Variants in ZPBP observed in about 807,000 individuals in gnomAD.
ZPBP encodes the protein zona pellucida-binding protein 1.
Under a neutral mutation model 44.8 loss-of-function variants are expected in ZPBP, and 26 were observed. The ratio of observed to expected loss-of-function variants is 0.58; its 90% CI spans 0.43 to 0.81. ZPBP has a LOEUF of 0.81. Among genes scored for constraint, ZPBP ranks in the 30% least tolerant of loss-of-function variants. The probability of loss-of-function intolerance (pLI) is 0.00; values close to 1 mark genes in which losing one functional copy is unlikely to be tolerated. For synonymous variants in ZPBP, 174 were observed against 153.2 expected (o/e 1.14, Z -1.00); for missense variants, 409 against 434.0 (o/e 0.94, Z 0.51).
intron 6 of ZPBP, among the ~76,000 whole-genome samples, chr7:50,002,079 T>TAATG (rs146899888): frequency 2.0e-3 from 303 of 152,228 alleles, no homozygotes; most frequent in African/African-American, 7.0e-3. Context: ...ACACTGCTAA[T>TAATG]AATGACATGC....
At chr7:50,075,236 C>T (rs916832432) in intron 3 of ZPBP, among the ~76,000 whole-genome samples, 2 of 151,498 alleles carry the variant, frequency 1.3e-5, no homozygotes, top group Admixed American at 6.6e-5. Context: ...TTAATGGAAA[C>T]ACAACATACC....
chr7:49,855,139 G>T (rs527829643), intron 2 of ZPBP, among the ~76,000 whole-genome samples: 1 of 152,282 alleles, frequency 6.6e-6, no homozygotes, highest in South Asian at 2.1e-4. Context: ...TGAAAGGCCT[G>T]CTCACATTAG....
intron 2 of ZPBP, among the ~76,000 whole-genome samples, chr7:49,858,972 G>C (rs1167908788): frequency 2.6e-5 from 4 of 152,174 alleles, no homozygotes; most frequent in African/African-American, 9.7e-5. Flanking sequence ...GAATATGTCA[G>C]GATATATTCA....
intron 4 of ZPBP, among the ~76,000 whole-genome samples, chr7:50,045,329 G>A (rs1342150980): frequency 6.6e-6 from 1 of 152,118 alleles, no homozygotes; most frequent in Non-Finnish European, 1.5e-5. Flanking sequence ...AACATAAAGG[G>A]TATTCAAATA....
chr7:49,852,701 C>G (rs1193456768), intron 2 of ZPBP, among the ~76,000 whole-genome samples: 1 of 152,134 alleles, frequency 6.6e-6, no homozygotes, highest in African/African-American at 2.4e-5. Flanking sequence ...GGGGACGGGC[C>G]TTGCTCCTAC....
chr7:49,990,082 C>T (rs1797494651), intron 6 of ZPBP, among the ~76,000 whole-genome samples: 2 of 152,212 alleles, frequency 1.3e-5, no homozygotes, highest in South Asian at 4.1e-4. Context: ...CAGGTCAAAG[C>T]CCTAGGAAAG....
chr7:49,941,763 T>G (rs1014248723), intron 7 of ZPBP, among the ~76,000 whole-genome samples: 2 of 152,110 alleles, frequency 1.3e-5, no homozygotes, highest in African/African-American at 2.4e-5. Context: ...CATTTTTTTT[T>G]GTGAAAAACA....
intron 6 of ZPBP, 73 bp from the exon 7 acceptor site, chr7:49,983,592 T>A: frequency 1.0e-6 from 1 of 952,590 alleles, no homozygotes; most frequent in Non-Finnish European, 1.6e-6. Context: ...AGGATGCATG[T>A]GGATTTAGAA....
chr7:50,074,267 C>T lies in ZPBP; in HGVS notation c.334+7507G>A, dbSNP rs566653018. On this transcript the variant is annotated intron_variant, in intron 3 of 7. Transcript: ENST00000046087. ...TGCAAGCCTCATGGTAACCTAAAAC[C>T]GAAAAGCATACAATGGATACACAAA... Among the ~76,000 whole-genome samples the T allele has an allele frequency of 9.2e-5, 14 of 151,524 alleles. No homozygotes were observed. The East Asian group carries it at 2.3e-3, about 25-fold the overall frequency.
chr7:49,925,697 C>A (rs778630519), intron 1 of ZPBP, among the ~76,000 whole-genome samples: 1 of 152,234 alleles, frequency 6.6e-6, no homozygotes, highest in Non-Finnish European at 1.5e-5. Context: ...CAGGCCTCTG[C>A]CTCAGACCTC....
intron 3 of ZPBP, among the ~76,000 whole-genome samples, chr7:50,069,076 G>A (rs547077402): frequency 9.9e-5 from 15 of 152,254 alleles, no homozygotes; most frequent in African/African-American, 2.2e-4. Flanking sequence ...GATCTGAGAC[G>A]GCCTGCCTGA....
At chr7:49,912,769 C>T (rs1793525834) in intron 1 of ZPBP, 1 of 152,372 alleles carries the variant, frequency 6.6e-6, no homozygotes, top group Non-Finnish European at 1.5e-5. Flanking sequence ...TGGCTTTTAT[C>T]TGCTTCATTC....
At chr7:50,057,811 C>G (rs2128830216) in intron 4 of ZPBP, among the ~76,000 whole-genome samples, 178 bp downstream of exon 4, 1 of 152,254 alleles carries the variant, frequency 6.6e-6, no homozygotes, top group South Asian at 2.1e-4. Context: ...GATCTGTTAA[C>G]CATTCTGTGC....
intron 2 of ZPBP, among the ~76,000 whole-genome samples, chr7:49,894,978 T>G (rs903757135): frequency 2.0e-5 from 3 of 151,964 alleles, no homozygotes; most frequent in Non-Finnish European, 4.4e-5. Flanking sequence ...CAGTCAAGAG[T>G]GAGTTTTTGT....
At chr7:49,988,499 T>C (rs376744887) in intron 6 of ZPBP, among the ~76,000 whole-genome samples, 11 of 152,334 alleles carry the variant, frequency 7.2e-5, no homozygotes, top group Admixed American at 2.6e-4. Flanking sequence ...CAAAATTGTA[T>C]GGGATTTCTA....
At position 49,905,548 on chromosome 7, in the gene ZPBP, G is replaced by T. The variant is rs1009155088; in HGVS notation, n.412-4333C>A. ...ACCTTGATTTCTATCATTTAAAAAAGAGTTTTATTTATTTGTGTGCATTGT... is the reference window on the plus strand; with the variant it reads ...ACCTTGATTTCTATCATTTAAAAAATAGTTTTATTTATTTGTGTGCATTGT... On this transcript the variant is annotated intron_variant and non_coding_transcript_variant, in intron 1 of 2. Transcript: ENST00000465922. Among the ~76,000 whole-genome samples the T allele has an allele frequency of 2.0e-5, 3 of 152,114 alleles. No homozygotes were observed. In the East Asian group the frequency reaches 5.8e-4, roughly 29 times the overall value.
chr7:49,913,972 A>G (rs1793592497), intron 1 of ZPBP: 1 of 152,210 alleles, frequency 6.6e-6, no homozygotes, highest in Non-Finnish European at 1.5e-5. Flanking sequence ...CTACCAGTAC[A>G]TAGATTTCAT....
At chr7:50,088,916 G>C (rs1244476026) in intron 2 of ZPBP, among the ~76,000 whole-genome samples, 3 of 150,140 alleles carry the variant, frequency 2.0e-5, no homozygotes, top group Non-Finnish European at 3.0e-5. Flanking sequence ...CCCTAAAAAG[G>C]AATGAAGTAT....
intron 6 of ZPBP, among the ~76,000 whole-genome samples, chr7:49,995,275 G>A (rs1044069845): frequency 1.3e-5 from 2 of 152,226 alleles, no homozygotes; most frequent in African/African-American, 4.8e-5. Context: ...GAGCTGGGGA[G>A]TTGATATTCT....
Sources: gnomAD v4.1 joint callset for allele counts (sites outside exome capture counted in the v4.1 genomes callset) on GRCh38, gnomAD v4.1.1 for gene constraint, MANE v1.5 for transcripts, NCBI Gene and HGNC (gene_info 2026-07-23, HGNC 2026-07-21) for gene names.